PCDH15: variants seen among roughly 807,000 people sequenced by gnomAD.
PCDH15 encodes the protein protocadherin related 15, also known as protocadherin-15.
In PCDH15, 129 loss-of-function variants were observed where a neutral mutation model predicts 178.5. The observed-to-expected ratio is 0.72, with a 90% CI of 0.63 to 0.84. The LOEUF is 0.84. PCDH15 is among the 40% of genes least tolerant of loss of function. PCDH15 has a pLI of 0.00. For synonymous variants in PCDH15, 800 were observed against 732.0 expected (o/e 1.09, Z -1.50); for missense variants, 2,230 against 2,099.9 (o/e 1.06, Z -1.21).
chr10:54,870,840 A>G (rs1177924281), intron 3 of PCDH15, among the ~76,000 whole-genome samples: 2 of 151,972 alleles, frequency 1.3e-5, no homozygotes, highest in Non-Finnish European at 2.9e-5. Context: ...AATATCTAAC[A>G]TCCCATTCTC....
chr10:54,435,224 C>A (rs1221898636), intron 3 of PCDH15, among the ~76,000 whole-genome samples: 2 of 152,124 alleles, frequency 1.3e-5, no homozygotes, highest in Non-Finnish European at 2.9e-5. Context: ...ACACACCAGC[C>A]TTTTAAGAGG....
At chr10:54,405,159 C>T (rs1431067883) in intron 3 of PCDH15, among the ~76,000 whole-genome samples, 1 of 151,918 alleles carries the variant, frequency 6.6e-6, no homozygotes, top group Non-Finnish European at 1.5e-5. Flanking sequence ...TGAGTTTATA[C>T]CTGAGGGAAT....
rs1837383638 is a variant in PCDH15 at position 55,107,506 on chromosome 10, T to A, written c.-80+59070A>T. Among the ~76,000 whole-genome samples the A allele has an allele frequency of 1.6e-4, 24 of 147,412 alleles. No individual in the cohort carries two copies. The South Asian group carries it at 5.2e-3, about 32-fold the overall frequency. Reference sequence around the variant, plus strand: ...TTCCTTTTTTTTTTTTTTTTTTTTTTTTTGAGATGGAGCCTCGCCCTGTTG... The same window carrying A: ...TTCCTTTTTTTTTTTTTTTTTTTTTATTTGAGATGGAGCCTCGCCCTGTTG... On this transcript the variant is annotated intron_variant, in intron 2 of 5. Transcript: ENST00000458638.
chr10:55,594,788 A>C (rs143967347), intron 2 of PCDH15, among the ~76,000 whole-genome samples: 3 of 152,158 alleles, frequency 2.0e-5, no homozygotes, highest in Non-Finnish European at 4.4e-5. Flanking sequence ...AAATTTAAGA[A>C]GACAATTCAA....
At chr10:54,242,343 C>G (rs2055493183) in intron 8 of PCDH15, among the ~76,000 whole-genome samples, 1 of 150,978 alleles carries the variant, frequency 6.6e-6, no homozygotes, top group Admixed American at 6.6e-5. Flanking sequence ...AAGGTATATT[C>G]AAGAGAAACA....
At chr10:54,044,386 G>A (rs962359128) in intron 18 of PCDH15, among the ~76,000 whole-genome samples, 11 of 152,220 alleles carry the variant, frequency 7.2e-5, no homozygotes, top group African/African-American at 2.2e-4. Flanking sequence ...CCATCTATTA[G>A]TTTTGTTCCT....
chr10:55,587,138 T>C (rs925822595), intron 2 of PCDH15, among the ~76,000 whole-genome samples: 1 of 152,082 alleles, frequency 6.6e-6, no homozygotes, highest in African/African-American at 2.4e-5. Flanking sequence ...GGAAGAAACA[T>C]ACTAATATGA....
chr10:54,146,935 A>ATATATATAGTGTATATATATATAGTG (rs1564530464), intron 14 of PCDH15, among the ~76,000 whole-genome samples: 15 of 63,292 alleles, frequency 2.4e-4, no homozygotes, highest in East Asian at 3.6e-3. Context: ...TATATATATA[A>ATATATATAGTGTATATATATATAGTG]TGTATATATA....
intron 2 of PCDH15, among the ~76,000 whole-genome samples, chr10:55,334,242 A>ATGTGTGTG (rs1208145029): frequency 0.056 from 4,038 of 72,016 alleles, 229 homozygotes; most frequent in Non-Finnish European, 0.062. Flanking sequence ...ATATATATAT[A>ATGTGTGTG]TGTGTGTGTG....
At chr10:54,810,498 C>T (rs1952845286) in intron 3 of PCDH15, among the ~76,000 whole-genome samples, 1 of 152,054 alleles carries the variant, frequency 6.6e-6, no homozygotes, top group Non-Finnish European at 1.5e-5. Context: ...GACGTAACAT[C>T]AACAAATTGG....
intron 2 of PCDH15, among the ~76,000 whole-genome samples, chr10:55,528,586 A>G (rs980008673): frequency 6.6e-6 from 1 of 152,098 alleles, no homozygotes; most frequent in Non-Finnish European, 1.5e-5. Context: ...ATAGTATTCC[A>G]TGGTGTATAT....
chr10:54,181,824 C>T (rs186238550), intron 13 of PCDH15, among the ~76,000 whole-genome samples: 2 of 152,252 alleles, frequency 1.3e-5, no homozygotes, highest in East Asian at 3.9e-4. Flanking sequence ...ATAAACATTC[C>T]GGTGAATTCC....
intron 21 of PCDH15, among the ~76,000 whole-genome samples, chr10:53,964,801 A>T (rs2088815981): frequency 6.6e-6 from 1 of 152,140 alleles, no homozygotes; most frequent in African/African-American, 2.4e-5. Flanking sequence ...GGACAGAATC[A>T]GACTTATTAT....
intron 2 of PCDH15, among the ~76,000 whole-genome samples, chr10:55,522,585 G>A (rs1287641065): frequency 2.6e-5 from 4 of 151,504 alleles, no homozygotes; most frequent in Non-Finnish European, 1.5e-5. Context: ...TTTGTCTCTT[G>A]TGACAGATTT....
At chr10:54,325,648 C>T (rs1265720962) in intron 7 of PCDH15, among the ~76,000 whole-genome samples, 2 of 152,042 alleles carry the variant, frequency 1.3e-5, no homozygotes, top group Non-Finnish European at 2.9e-5. Flanking sequence ...ACTCAGGAGG[C>T]TGAGGCACGA....
At chr10:55,287,928 G>T (rs1223337847) in intron 1 of PCDH15, among the ~76,000 whole-genome samples, 2 of 151,732 alleles carry the variant, frequency 1.3e-5, no homozygotes, top group Non-Finnish European at 2.9e-5. Flanking sequence ...ATGTTTAGGG[G>T]TGTGAAAACT....
intron 25 of PCDH15, among the ~76,000 whole-genome samples, chr10:53,915,027 A>G (rs1179347895): frequency 6.6e-6 from 1 of 152,194 alleles, no homozygotes; most frequent in Non-Finnish European, 1.5e-5. Flanking sequence ...CATCTGAGAT[A>G]AATGCTTAAG....
At chr10:53,996,213 A>C (rs1461283427) in intron 20 of PCDH15, among the ~76,000 whole-genome samples, 1 of 146,082 alleles carries the variant, frequency 6.8e-6, no homozygotes, top group Non-Finnish European at 1.5e-5. Flanking sequence ...CATAATACTG[A>C]CTAGAACATT....
chr10:55,360,216 C>T (rs575006787), intron 2 of PCDH15, among the ~76,000 whole-genome samples: 2 of 151,664 alleles, frequency 1.3e-5, no homozygotes, highest in African/African-American at 4.8e-5. Context: ...CCTTGTACAC[C>T]ATAAATATAT....
Sources: gnomAD v4.1 joint callset for allele counts (sites outside exome capture counted in the v4.1 genomes callset) on GRCh38, gnomAD v4.1.1 for gene constraint, MANE v1.5 for transcripts, NCBI Gene and HGNC (gene_info 2026-07-23, HGNC 2026-07-21) for gene names.